Variants in SORCS1 observed in about 807,000 individuals in gnomAD.
SORCS1 encodes the protein VPS10 domain-containing receptor SorCS1.
Under a neutral mutation model 146.1 loss-of-function variants are expected in SORCS1, and 60 were observed. The observed-to-expected ratio is 0.41, with a 90% CI of 0.33 to 0.51. The LOEUF (loss-of-function observed/expected upper bound fraction) is 0.51, where lower values mean the gene tolerates loss of function less well. SORCS1 is among the 20% of genes least tolerant of loss of function. SORCS1 has a pLI of 0.21. For missense variants in SORCS1, 1,352 were observed against 1,487.6 expected, an observed-to-expected ratio of 0.91 and a Z score of 1.50; for synonymous variants, 637 against 584.0, an observed-to-expected ratio of 1.09 and a Z score of -1.31.
intron 2 of SORCS1, among the ~76,000 whole-genome samples, chr10:106,856,892 G>A (rs1301446265): frequency 6.6e-6 from 1 of 152,178 alleles, no homozygotes; most frequent in East Asian, 1.9e-4. Flanking sequence ...CCAATTCGGG[G>A]GACAGCATTT....
intron 18 of SORCS1, among the ~76,000 whole-genome samples, chr10:106,635,261 T>C (rs1204777171): frequency 2.0e-5 from 3 of 152,150 alleles, no homozygotes; most frequent in Non-Finnish European, 4.4e-5. Context: ...CAGAGACCCA[T>C]TGCAGATAGA....
intron 5 of SORCS1, among the ~76,000 whole-genome samples, chr10:106,737,356 G>C (rs1040034143): frequency 6.6e-6 from 1 of 152,048 alleles, no homozygotes; most frequent in Non-Finnish European, 1.5e-5. Context: ...TTTTCCATCA[G>C]TGTTTGCATT....
chr10:106,892,999 A>C (rs547934932), intron 2 of SORCS1, among the ~76,000 whole-genome samples: 1 of 150,304 alleles, frequency 6.7e-6, no homozygotes, highest in South Asian at 2.1e-4. Flanking sequence ...GGTTCAAGCT[A>C]TTCTCCTGCC....
intron 5 of SORCS1, among the ~76,000 whole-genome samples, chr10:106,731,125 C>T (rs371388475): frequency 1.1e-4 from 17 of 151,090 alleles, no homozygotes; most frequent in African/African-American, 3.4e-4. Flanking sequence ...CTGGCTAACA[C>T]GGTGAAACCC....
chr10:107,077,829 G>T (rs1281472079), intron 1 of SORCS1, among the ~76,000 whole-genome samples: 1 of 152,026 alleles, frequency 6.6e-6, no homozygotes, highest in Non-Finnish European at 1.5e-5. Context: ...GAAAAGAAGA[G>T]ATTTAGATAA....
At chr10:106,749,643 A>G (rs1857999352) in intron 5 of SORCS1, among the ~76,000 whole-genome samples, 1 of 152,236 alleles carries the variant, frequency 6.6e-6, no homozygotes, top group African/African-American at 2.4e-5. Flanking sequence ...AAAGAAGTAA[A>G]ATACATGCAC....
chr10:107,120,265 T>C (rs1187875715), intron 1 of SORCS1, among the ~76,000 whole-genome samples: 3 of 152,224 alleles, frequency 2.0e-5, no homozygotes, highest in African/African-American at 4.8e-5. Context: ...TCATACATTA[T>C]ACATCAATAC....
At chr10:106,757,912 T>A (rs1858776401) in intron 5 of SORCS1, among the ~76,000 whole-genome samples, 1 of 152,218 alleles carries the variant, frequency 6.6e-6, no homozygotes, top group Admixed American at 6.5e-5. Context: ...TGCCATAGGT[T>A]CCCTATCTGT....
At chr10:106,785,752 A>G (rs1299532360) in intron 3 of SORCS1, among the ~76,000 whole-genome samples, 2 of 152,198 alleles carry the variant, frequency 1.3e-5, no homozygotes, top group African/African-American at 4.8e-5. Context: ...GGATTTGCAG[A>G]TTAGTGAAGT....
chr10:107,122,528 G>C (rs1565073235), intron 1 of SORCS1, among the ~76,000 whole-genome samples: 1 of 152,184 alleles, frequency 6.6e-6, no homozygotes, highest in Non-Finnish European at 1.5e-5. Context: ...AGGAAATAAG[G>C]TAAGACCCTA....
At chr10:106,644,030 C>G (rs1435291148) in intron 18 of SORCS1, among the ~76,000 whole-genome samples, 1 of 152,202 alleles carries the variant, frequency 6.6e-6, no homozygotes, top group Non-Finnish European at 1.5e-5. Flanking sequence ...CTTTCACATT[C>G]ACCTTGCAGG....
At chr10:107,074,495 T>C (rs1323090757) in intron 1 of SORCS1, among the ~76,000 whole-genome samples, 2 of 152,198 alleles carry the variant, frequency 1.3e-5, no homozygotes, top group Non-Finnish European at 2.9e-5. Flanking sequence ...TAAACAAAGC[T>C]GCTATAAACA....
chr10:107,020,681 G>A (rs1417833417), intron 1 of SORCS1, among the ~76,000 whole-genome samples: 1 of 152,102 alleles, frequency 6.6e-6, no homozygotes, highest in East Asian at 1.9e-4. Context: ...TTTTCTTCCT[G>A]TTATAGCTTT....
At chr10:106,998,914 T>C (rs887626307) in intron 1 of SORCS1, among the ~76,000 whole-genome samples, 2 of 152,232 alleles carry the variant, frequency 1.3e-5, no homozygotes, top group Non-Finnish European at 2.9e-5. Flanking sequence ...TTAAGAAGTA[T>C]GTCCTTGTAT....
chr10:106,768,063 C>T (rs1472180009), intron 4 of SORCS1, among the ~76,000 whole-genome samples: 1 of 152,034 alleles, frequency 6.6e-6, no homozygotes, highest in South Asian at 2.1e-4. Flanking sequence ...CCTGTTTAAA[C>T]ACAGTATCTA....
intron 5 of SORCS1, among the ~76,000 whole-genome samples, chr10:106,734,007 T>C (rs1010176475): frequency 3.3e-5 from 5 of 152,170 alleles, no homozygotes; most frequent in African/African-American, 1.2e-4. Context: ...TCTCAGTAAA[T>C]ACATATACAA....
chr10:106,901,128 T>A (rs1951683801), intron 2 of SORCS1, among the ~76,000 whole-genome samples: 1 of 151,956 alleles, frequency 6.6e-6, no homozygotes, highest in Admixed American at 6.6e-5. Flanking sequence ...CTCAGTAGAG[T>A]GGTAAACTAA....
rs546708804 is a variant in SORCS1, at chr10:107,118,721, C to A, written c.558+45248G>T. Among the ~76,000 whole-genome samples the A allele has an allele frequency of 3.9e-5, 6 of 152,274 alleles. No individual in the cohort carries two copies. The South Asian group carries it at 1.2e-3, about 32-fold the overall frequency. ...TCCTTTCAGACTTTGAGGATACCTG[C>A]AATAGTAACTACATTTTTTTCTTGT... is the stretch of plus-strand genomic sequence containing the variant. On this transcript the variant is annotated intron_variant, in intron 1 of 25. Transcript: ENST00000263054.
At chr10:107,026,030 C>T (rs565433179) in intron 1 of SORCS1, among the ~76,000 whole-genome samples, 2 of 152,286 alleles carry the variant, frequency 1.3e-5, no homozygotes, top group South Asian at 4.1e-4. Context: ...TGAATTCCAA[C>T]CTGAAAATCC....
Sources: gnomAD v4.1 joint callset for allele counts (sites outside exome capture counted in the v4.1 genomes callset) on GRCh38, gnomAD v4.1.1 for gene constraint, MANE v1.5 for transcripts, NCBI Gene and HGNC (gene_info 2026-07-23, HGNC 2026-07-21) for gene names.